The following PLXNA4 variants were observed in gnomAD, a reference collection of about 807,000 sequenced individuals.
The protein encoded by PLXNA4 is plexin A4.
A neutral mutation model predicts 191.8 loss-of-function variants in PLXNA4; 44 were observed. The observed-to-expected ratio is 0.23, with a 90% CI of 0.18 to 0.29. The LOEUF (loss-of-function observed/expected upper bound fraction) is 0.29. Ranked by LOEUF, PLXNA4 falls within the 10% of genes least tolerant of loss-of-function variation. The pLI is 1.00. For missense variants in PLXNA4, 1,800 were observed against 2,488.8 expected (o/e 0.72, Z 5.89); for synonymous variants, 1,082 against 1,009.5 (o/e 1.07, Z -1.36).
chr7:132,489,063 C>T (rs538205961), intron 3 of PLXNA4, among the ~76,000 whole-genome samples: 1 of 152,346 alleles, frequency 6.6e-6, no homozygotes, highest in Non-Finnish European at 1.5e-5. Context: ...CTCATGTGCA[C>T]ACCAGCTCTA....
chr7:132,249,225 C>T, intron 4 of PLXNA4, among the ~76,000 whole-genome samples: 1 of 152,244 alleles, frequency 6.6e-6, no homozygotes, highest in East Asian at 1.9e-4. Flanking sequence ...GGATCCAGTC[C>T]TGCTCTGCCT....
chr7:132,235,694 G>A (rs1277593375), intron 5 of PLXNA4, among the ~76,000 whole-genome samples: 1 of 152,136 alleles, frequency 6.6e-6, no homozygotes. Context: ...ATGCGGCTGG[G>A]TCTGCTGGGC....
intron 4 of PLXNA4, among the ~76,000 whole-genome samples, chr7:132,249,134 A>T (rs904015087): frequency 1.3e-5 from 2 of 152,248 alleles, no homozygotes; most frequent in African/African-American, 4.8e-5. Flanking sequence ...TCCAAGCTGT[A>T]ATCTAATCTG....
intron 3 of PLXNA4, among the ~76,000 whole-genome samples, chr7:132,394,079 G>A (rs898869603): frequency 1.3e-5 from 2 of 151,098 alleles, no homozygotes; most frequent in Non-Finnish European, 2.9e-5. Flanking sequence ...CAGCCATCCA[G>A]ATTTCTTTTT....
At chr7:132,405,083 T>TGC (rs1794159296) in intron 3 of PLXNA4, among the ~76,000 whole-genome samples, 1 of 151,476 alleles carries the variant, frequency 6.6e-6, no homozygotes, top group African/African-American at 2.4e-5. Flanking sequence ...TGTGTGTGTG[T>TGC]GTGTGTGTGC....
At chr7:132,421,457 C>T (rs1794846950) in intron 3 of PLXNA4, among the ~76,000 whole-genome samples, 1 of 152,168 alleles carries the variant, frequency 6.6e-6, no homozygotes, top group East Asian at 1.9e-4. Context: ...CTAGAAAATT[C>T]CCCCGTTCTG....
At chr7:132,308,498 C>A (rs1470701396) in intron 3 of PLXNA4, among the ~76,000 whole-genome samples, 6 of 152,164 alleles carry the variant, frequency 3.9e-5, no homozygotes, top group African/African-American at 1.4e-4. Flanking sequence ...CACGCATCAG[C>A]TCCTTCTGAC....
At chr7:132,177,283 G>T (rs1796507533) in intron 20 of PLXNA4, among the ~76,000 whole-genome samples, 1 of 152,328 alleles carries the variant, frequency 6.6e-6, no homozygotes, top group Non-Finnish European at 1.5e-5. Context: ...AAATACACGG[G>T]TATGTTTATA....
At chr7:132,131,876 G>A (rs1794939493) in intron 31 of PLXNA4, among the ~76,000 whole-genome samples, 1 of 152,232 alleles carries the variant, frequency 6.6e-6, no homozygotes, top group Non-Finnish European at 1.5e-5. Context: ...TGATGTAAGG[G>A]CCACAGAATT....
At chr7:132,286,158 GCTCTCACTTTA>G (rs1320690911) in intron 4 of PLXNA4, among the ~76,000 whole-genome samples, 1 of 152,204 alleles carries the variant, frequency 6.6e-6, no homozygotes, top group East Asian at 1.9e-4. Context: ...GCTGGAGTTT[GCTCTCACTTTA>G]CCACTGCAGA....
intron 27 of PLXNA4, among the ~76,000 whole-genome samples, chr7:132,146,994 C>T (rs956331840): frequency 6.6e-6 from 1 of 152,154 alleles, no homozygotes; most frequent in Non-Finnish European, 1.5e-5. Context: ...TAAGCCTGTA[C>T]TTTTTTAATG....
chr7:132,311,198 G>A (rs1029876151), intron 3 of PLXNA4, among the ~76,000 whole-genome samples: 6 of 150,894 alleles, frequency 4.0e-5, no homozygotes, highest in African/African-American at 9.8e-5. Context: ...GTGTGTGCGC[G>A]TGTGGCCTAA....
chr7:132,148,183 T>C (rs1255663293), intron 26 of PLXNA4, among the ~76,000 whole-genome samples, 184 bp from the exon 27 acceptor site: 2 of 152,166 alleles, frequency 1.3e-5, no homozygotes, highest in East Asian at 3.9e-4. Context: ...CTGACAAGTA[T>C]TCTGTTTTGT....
intron 2 of PLXNA4, among the ~76,000 whole-genome samples, chr7:132,598,129 G>A (rs1437130997): frequency 6.6e-6 from 1 of 151,968 alleles, no homozygotes; most frequent in African/African-American, 2.4e-5. Context: ...ATTTTTTTGA[G>A]ATGGAGTCTT....
rs576292837 is a variant in PLXNA4 at position 132,541,769 on chromosome 7, C to T, written c.-86-32990G>A. Among the ~76,000 whole-genome samples, 18 of 152,342 alleles carry T rather than the reference C, an allele frequency of 1.2e-4. No homozygotes were observed. In the South Asian group the frequency reaches 3.5e-3, roughly 30 times the overall value. On this transcript the variant is annotated intron_variant, in intron 1 of 31. Coordinates refer to ENST00000321063, the MANE Select transcript of PLXNA4 (RefSeq NM_020911.2). ...AACGTGTGAACAGGAGCTGCTAAGG[C>T]AGGCAGAGATGATAAGTTGTGGGGA...
At chr7:132,216,985 C>T (rs990268397) in intron 9 of PLXNA4, among the ~76,000 whole-genome samples, 19 of 152,194 alleles carry the variant, frequency 1.2e-4, no homozygotes, top group African/African-American at 4.1e-4. Context: ...CCAACTCCCT[C>T]GGAGGCTGTT....
intron 2 of PLXNA4, among the ~76,000 whole-genome samples, chr7:132,493,108 T>C (rs1251233719): frequency 6.6e-6 from 1 of 152,138 alleles, no homozygotes; most frequent in South Asian, 2.1e-4. Context: ...GTGAGGCTAA[T>C]TGGTGAAAGC....
At chr7:132,334,252 C>CTTTCTTTTTTTTTTTTT (rs1554417000) in intron 3 of PLXNA4, among the ~76,000 whole-genome samples, 2 of 75,612 alleles carry the variant, frequency 2.6e-5, no homozygotes, top group Non-Finnish European at 2.4e-5. Flanking sequence ...TTCTTTCTTT[C>CTTTCTTTTTTTTTTTTT]TTTTTTTTTT....
intron 16 of PLXNA4, among the ~76,000 whole-genome samples, chr7:132,184,104 T>G (rs570376151): frequency 6.6e-6 from 1 of 152,348 alleles, no homozygotes; most frequent in African/African-American, 2.4e-5. Flanking sequence ...GACACATCCC[T>G]GCTCTCTGCC....
Sources: allele counts gnomAD v4.1 joint callset (sites outside exome capture counted in the v4.1 genomes callset), GRCh38; gene constraint gnomAD v4.1.1; transcripts MANE v1.5; gene names NCBI Gene and HGNC (gene_info 2026-07-23, HGNC 2026-07-21).